The following MYBBP1A variants were observed in gnomAD, a reference collection of about 807,000 sequenced individuals.
The protein encoded by MYBBP1A is MYB binding protein 1a, also known as myb-binding protein 1A.
MYBBP1A carries 147 observed loss-of-function variants against 136.3 expected under a neutral mutation model. The ratio of observed to expected loss-of-function variants is 1.08; its 90% CI spans 0.94 to 1.24. The LOEUF (loss-of-function observed/expected upper bound fraction) is 1.24. MYBBP1A is among the 50% of genes most tolerant of loss of function. The probability of loss-of-function intolerance (pLI) is 0.00; values close to 1 mark genes in which losing one functional copy is unlikely to be tolerated. For missense variants in MYBBP1A, 2,060 were observed against 1,727.4 expected, an observed-to-expected ratio of 1.19 and a Z score of -3.41; for synonymous variants, 947 against 735.8, an observed-to-expected ratio of 1.29 and a Z score of -4.65.
rs146960789 is a variant in MYBBP1A at position 4,552,932 on chromosome 17, G to C, written c.562-306C>G. On this transcript the variant is annotated intron_variant, in intron 5 of 25. Transcript: ENST00000254718. The surrounding 1 kb of genome is among the most constrained non-coding windows in gnomAD (Gnocchi z 4.7). ...CACTGCAACCTCCGCCTCCCAGGTT[G>C]AAGCAATTCTCCTGCCTCAGGTGGG... Among the ~76,000 whole-genome samples, 564 of 151,624 alleles carry C rather than the reference G, an allele frequency of 3.7e-3. 5 individuals carry two copies. The highest frequency in any genetic ancestry group is 0.013 in the African/African-American group (528 of 41,290).
Position 4,539,651 on chromosome 17 carries a change from G to A in MYBBP1A, c.3751C>T (p.Leu1251=). The A allele has an allele frequency of 6.2e-7, 1 of 1,612,078 alleles. No individual in the cohort carries two copies. Among genetic ancestry groups the A allele is most frequent in the Non-Finnish European group, 8.5e-7 (1 of 1,178,602 alleles). The change falls in exon 26 of 26, where the codon CTG becomes TTG. Residue 1251 remains leucine (L), a synonymous_variant. Transcript: ENST00000254718. The stretch of plus-strand genomic sequence containing the variant: ...GACGGCTTCTGGTTTTTCTTCTGCA[G>A]TTTTGGGGATTTGGCAGGGGTGCTG... The part of the protein sequence containing the change: ...SPSTPAKSPK[L]QKKNQKPSQV...
At position 4,548,544 on chromosome 17, in the gene MYBBP1A, A is replaced by AG. The variant is rs1907209530; in HGVS notation, c.1535dup (p.Val513CysfsTer103). 1.9e-6 allele frequency: 3 copies of AG among 1,614,028 alleles called. No individual in the cohort carries two copies. The highest frequency in any genetic ancestry group is 2.5e-6 in the Non-Finnish European group (3 of 1,180,040). On this transcript the variant is annotated frameshift_variant, in exon 11 of 26. Transcript: ENST00000254718. LOFTEE classifies it high-confidence loss of function. This position sits in a 1 kb window ranked among gnomAD's most constrained non-coding sequence, Gnocchi z 4.2. ...CTCACCTGAAGAAGGCACTGCTGACAGCCTCTCGGGCCTGGTTTTCCAAAG... is the reference window on the plus strand; with the variant it reads ...CTCACCTGAAGAAGGCACTGCTGACAGGCCTCTCGGGCCTGGTTTTCCAAAG...
rs775368969 is a variant in MYBBP1A, at chr17:4,550,199, C to T, written c.1178G>A (p.Arg393Gln). Reference protein sequence around the residue: ...QGLPVTPTFWRVVRFLSPPAL... With the variant: ...QGLPVTPTFWQVVRFLSPPAL... ...CGGAGGGCTCAGGAACCGCACGACC[C>T]GCCAGAAAGTAGGCGTGACAGGGAG... The change falls in exon 9 of 26, where the codon CGG (arginine) becomes CAG (glutamine). Residue 393 changes from arginine (R) to glutamine (Q), a missense_variant. Transcript: ENST00000254718. 7.4e-6 allele frequency: 12 copies of T among 1,613,782 alleles called. No homozygotes were observed. The highest frequency in any genetic ancestry group is 6.6e-5 in the South Asian group (6 of 91,092).
chr17:4,544,692 G>A (rs1467773989), intron 18 of MYBBP1A, 46 bp from the exon 19 acceptor site: 25 of 1,438,096 alleles, frequency 1.7e-5, no homozygotes, highest in Middle Eastern at 4.1e-4. Flanking sequence ...GGGCGCACAG[G>A]GAGGCGGGGG....
chr17:4,542,829 G>A, intron 20 of MYBBP1A, 84 bp downstream of exon 20: 3 of 1,602,122 alleles, frequency 1.9e-6, no homozygotes, highest in South Asian at 1.1e-5. Context: ...TCAGAAGGCT[G>A]AGGGTTGGGC....
At chr17:4,549,510 C>T in intron 9 of MYBBP1A, 68 bp from the exon 10 acceptor site, 1 of 1,404,942 alleles carries the variant, frequency 7.1e-7, no homozygotes, top group Non-Finnish European at 9.8e-7. Context: ...GGCCCAGTGG[C>T]TCACACCTGT....
Position 4,547,977 on chromosome 17 carries a change from A to C in MYBBP1A, c.1805T>G (p.Val602Gly). Residue 602 changes from valine (V) to glycine (G), a missense_variant, in exon 13 of 26, where the codon GTG (valine) becomes GGG (glycine). Physicochemically the swap from Val to Gly is moderately radical, Grantham distance 109. Coordinates refer to ENST00000254718, the MANE Select transcript of MYBBP1A (RefSeq NM_014520.4). Reference protein sequence around the residue: ...AAAFQHLLLLVGIHLLKSPAE... With the variant: ...AAAFQHLLLLGGIHLLKSPAE... ...CAGTACCTTGAGGAGGTGGATGCCCACGAGGAGCAGAAGGTGCTGGAAGGC... is the reference window on the plus strand; with the variant it reads ...CAGTACCTTGAGGAGGTGGATGCCCCCGAGGAGCAGAAGGTGCTGGAAGGC... 1.3e-6 allele frequency: 2 copies of C among 1,519,866 alleles called. No homozygotes were observed. Among genetic ancestry groups the C allele is most frequent in the Non-Finnish European group, 1.8e-6 (2 of 1,130,298 alleles). 94.1% of individuals were successfully genotyped at this position (1,519,866 alleles called of 1,614,324 possible).
intron 8 of MYBBP1A, among the ~76,000 whole-genome samples, chr17:4,551,657 C>T (rs549257607): frequency 3.9e-5 from 6 of 152,208 alleles, no homozygotes; most frequent in South Asian, 2.1e-4. Context: ...TGCAGTGAGC[C>T]AAGATCTCAC....
Position 4,549,447 on chromosome 17 carries a change from C to A in MYBBP1A, c.1320-5G>T, listed in dbSNP as rs899681216. 6.2e-7 allele frequency: 1 copy of A among 1,611,198 alleles called. No individual in the cohort carries two copies. Among genetic ancestry groups the A allele is most frequent in the East Asian group, 2.2e-5 (1 of 44,802 alleles). On this transcript the variant is annotated splice_polypyrimidine_tract_variant and splice_region_variant and intron_variant, in intron 9 of 25. Coordinates refer to ENST00000254718, the MANE Select transcript of MYBBP1A (RefSeq NM_014520.4). ...CGGAACACAGCTCGCTCAGGCCTAGCGGGGCAGGAGGCGAGGTCATGTGAG... is the reference window on the plus strand; with the variant it reads ...CGGAACACAGCTCGCTCAGGCCTAGAGGGGCAGGAGGCGAGGTCATGTGAG...
chr17:4,544,030 C>T (rs955988251), intron 19 of MYBBP1A, among the ~76,000 whole-genome samples: 7 of 152,208 alleles, frequency 4.6e-5, no homozygotes, highest in African/African-American at 1.7e-4. Context: ...CGTCAGGATG[C>T]TCTTCCTCCC....
At position 4,545,266 on chromosome 17, in the gene MYBBP1A, C is replaced by T. The variant is rs1906897606; in HGVS notation, c.2153G>A (p.Gly718Asp). Residue 718 changes from glycine (G) to aspartate (D), a missense_variant, in exon 16 of 26, where the codon GGT becomes GAT. Transcript: ENST00000254718. The stretch of plus-strand genomic sequence containing the variant: ...GGCCCATGCTGGCAACACCTCTGCA[C>T]CCTTCAGCCGCCGCTCATCAGAATC... ...TDDSDERRLK[G>D]AEDKSEEGED... 3 of 1,612,932 alleles carry T rather than the reference C, an allele frequency of 1.9e-6. No homozygotes were observed. The highest frequency in any genetic ancestry group is 2.7e-5 in the African/African-American group (2 of 74,864).
chr17:4,552,248 T>A lies in MYBBP1A; in HGVS notation c.782A>T (p.Asp261Val), dbSNP rs924442742. 6.2e-7 allele frequency: 1 copy of A among 1,614,018 alleles called. No individual in the cohort carries two copies. Among genetic ancestry groups the A allele is most frequent in the Non-Finnish European group, 8.5e-7 (1 of 1,180,042 alleles). ...LKMAASSVKK[D>V]RKLPAIALDL... ...CAGAGCAATGGCGGGCAGCTTGCGG[T>A]CCTTCTTCACAGAGGAGGCGGCCAT... The change falls in exon 7 of 26, where the codon GAC becomes GTC. Residue 261 changes from aspartate (D) to valine (V), a missense_variant. Transcript: ENST00000254718. The surrounding 1 kb of genome is among the most constrained non-coding windows in gnomAD (Gnocchi z 4.7).
chr17:4,539,880 G>A lies in MYBBP1A; in HGVS notation c.3522C>T (p.Phe1174=), dbSNP rs929606923. 6.2e-7 allele frequency: 1 copy of A among 1,603,890 alleles called. No homozygotes were observed. Among genetic ancestry groups the A allele is most frequent in the African/African-American group, 1.3e-5 (1 of 75,022 alleles). ...TCTTGCGCTTCTTCGTCTCTGGCAA[G>A]AATCCCTTTTTCTTCCGCTTCTTAC... ...PISKKRKKKG[F]LPETKKRKKR... is the part of the protein sequence containing the mutation. The change falls in exon 26 of 26, where the codon TTC becomes TTT. Residue 1174 remains phenylalanine (F), a synonymous_variant. Transcript: ENST00000254718.
intron 22 of MYBBP1A, chr17:4,542,169 G>T: frequency 1.7e-6 from 1 of 585,478 alleles, no homozygotes; most frequent in Non-Finnish European, 3.0e-6. Context: ...CAACAGCCCT[G>T]GCACCAGAGC....
chr17:4,549,991 T>A, intron 9 of MYBBP1A, 67 bp downstream of exon 9: 1 of 1,524,506 alleles, frequency 6.6e-7, no homozygotes, highest in Non-Finnish European at 8.9e-7. Flanking sequence ...CGGGCTTGGG[T>A]CGCGGGGCTC....
At chr17:4,549,785 CAAAAA>C (rs60360356) in intron 9 of MYBBP1A, among the ~76,000 whole-genome samples, 12 of 65,388 alleles carry the variant, frequency 1.8e-4, no homozygotes, top group Admixed American at 1.3e-3. Context: ...GAGACTCTGT[CAAAAA>C]AAAAAAAAAA....
intron 22 of MYBBP1A, 45 bp from the exon 23 acceptor site, chr17:4,541,936 G>A: frequency 1.3e-6 from 2 of 1,526,986 alleles, no homozygotes; most frequent in Non-Finnish European, 1.8e-6. Context: ...GGCACGTTGG[G>A]TGCTCACGGC....
chr17:4,551,810 C>G, intron 8 of MYBBP1A, 70 bp downstream of exon 8: 1 of 1,408,396 alleles, frequency 7.1e-7, no homozygotes, highest in Non-Finnish European at 1.0e-6. Context: ...GTGCCCTGCT[C>G]CCCTTTTTGG....
rs1907612101 is a variant in MYBBP1A at position 4,552,491 on chromosome 17, C to T, written c.697G>A (p.Val233Met). ...QKVPSKLKKL[V>M]GSVNLFSDEN... ...TCTGAGAATAGGTTCACGGATCCCA[C>T]CAGCTTCTTGAGCTTGGAGGGCACC... Residue 233 changes from valine to methionine, a missense_variant, in exon 6 of 26, where the codon GTG becomes ATG. By Grantham distance (21) the Val-to-Met change is conservative. Coordinates refer to ENST00000254718, the MANE Select transcript of MYBBP1A (RefSeq NM_014520.4). The surrounding 1 kb of genome is among the most constrained non-coding windows in gnomAD (Gnocchi z 4.7). 6.2e-7 allele frequency: 1 copy of T among 1,613,794 alleles called. No individual in the cohort carries two copies. Among genetic ancestry groups the T allele is most frequent in the African/African-American group, 1.3e-5 (1 of 75,046 alleles).
Sources: gnomAD v4.1 joint callset for allele counts (sites outside exome capture counted in the v4.1 genomes callset) on GRCh38, gnomAD v4.1.1 for gene constraint, Gnocchi (gnomAD v3.1) non-coding constraint, MANE v1.5 for transcripts, NCBI Gene and HGNC (gene_info 2026-07-23, HGNC 2026-07-21) for gene names.